The following MEF2D variants were observed in gnomAD, a reference collection of about 807,000 sequenced individuals.
MEF2D encodes myocyte-specific enhancer factor 2D.
A neutral mutation model predicts 59.3 loss-of-function variants in MEF2D; 10 were observed. That is an observed-to-expected ratio of 0.17 (90% confidence interval 0.10 to 0.29). The LOEUF (loss-of-function observed/expected upper bound fraction) is 0.29. Among genes scored for constraint, MEF2D ranks in the 10% least tolerant of loss-of-function variants. The pLI is 1.00. For missense variants in MEF2D, 508 were observed against 699.4 expected, an observed-to-expected ratio of 0.73 and a Z score of 3.09; for synonymous variants, 305 against 295.0, an observed-to-expected ratio of 1.03 and a Z score of -0.35.
chr1:156,478,927 G>A (rs1033275235), intron 6 of MEF2D, among the ~76,000 whole-genome samples: 2 of 152,166 alleles, frequency 1.3e-5, no homozygotes, highest in East Asian at 1.9e-4. Flanking sequence ...GAGTGCCTGC[G>A]TGAGTGTCTA....
At chr1:156,471,757 T>C (rs1454313727) in intron 9 of MEF2D, among the ~76,000 whole-genome samples, 1 of 152,252 alleles carries the variant, frequency 6.6e-6, no homozygotes, top group East Asian at 1.9e-4. Flanking sequence ...AGCCAAGGAC[T>C]GTAAACAGTG....
intron 1 of MEF2D, 58 bp from the exon 2 acceptor site, chr1:156,483,488 C>A (rs1672157642): frequency 1.2e-5 from 7 of 593,742 alleles, no homozygotes. Context: ...GCCCTGCTCC[C>A]TGGGCACACA....
At chr1:156,479,256 C>G (rs746704921) in intron 6 of MEF2D, 34 bp downstream of exon 6, 1 of 1,581,024 alleles carries the variant, frequency 6.3e-7, no homozygotes, top group Non-Finnish European at 8.6e-7. Context: ...GGGCACCCCT[C>G]CCCACCTCCA....
intron 2 of MEF2D, 132 bp downstream of exon 2, chr1:156,483,107 C>T: frequency 3.1e-6 from 3 of 962,280 alleles, no homozygotes; most frequent in Non-Finnish European, 4.9e-6. Flanking sequence ...TTCTCCCAAT[C>T]TCCCTTCCCC....
Position 156,480,941 on chromosome 1 carries a change from C to G in MEF2D, c.289G>C (p.Asp97His). 6.2e-7 allele frequency: 1 copy of G among 1,612,078 alleles called. No homozygotes were observed. Among genetic ancestry groups the G allele is most frequent in the Non-Finnish European group, 8.5e-7 (1 of 1,179,928 alleles). The change falls in exon 4 of 12, where the codon GAC (aspartate) becomes CAC (histidine). Residue 97 changes from aspartate (D) to histidine (H), a missense_variant. This residue lies in a region of MEF2D where 481 missense variants were observed against 584.7 expected (regional missense o/e 0.82). Transcript: ENST00000348159. ...TCCTCCCCGTCGGGCTCGGGGCTGTCGCAGCCGTTGAAGCCCTTCTTCCTC... is the reference window on the plus strand; with the variant it reads ...TCCTCCCCGTCGGGCTCGGGGCTGTGGCAGCCGTTGAAGCCCTTCTTCCTC... ...TLRKKGFNGC[D>H]SPEPDGEDSL...
chr1:156,476,995 C>T lies in MEF2D; in HGVS notation c.855+17G>A. On this transcript the variant is annotated intron_variant, in intron 7 of 11. Coordinates refer to ENST00000348159, the MANE Select transcript of MEF2D (RefSeq NM_005920.4). ...TCCATTCCCCAGCCCCCACCCTTGGCCCAGACACCCACTTACCAAGTGATG... is the reference window on the plus strand; with the variant it reads ...TCCATTCCCCAGCCCCCACCCTTGGTCCAGACACCCACTTACCAAGTGATG... The T allele has an allele frequency of 6.2e-7, 1 of 1,613,414 alleles. No homozygotes were observed. Among genetic ancestry groups the T allele is most frequent in the Non-Finnish European group, 8.5e-7 (1 of 1,179,788 alleles).
At chr1:156,483,177 A>G in intron 2 of MEF2D, 62 bp downstream of exon 2, 2 of 1,527,936 alleles carry the variant, frequency 1.3e-6, no homozygotes, top group South Asian at 1.1e-5. Context: ...GCCTGAAGGG[A>G]GTAGAGGCAG....
At chr1:156,495,240 C>T (rs1433580654) in intron 1 of MEF2D, among the ~76,000 whole-genome samples, 1 of 152,126 alleles carries the variant, frequency 6.6e-6, no homozygotes, top group Non-Finnish European at 1.5e-5. Context: ...CTCAGGTCTC[C>T]GTGGGCCTCC....
chr1:156,496,548 TCTAAC>T (rs1281211414), intron 1 of MEF2D, among the ~76,000 whole-genome samples: 1 of 152,078 alleles, frequency 6.6e-6, no homozygotes, highest in African/African-American at 2.4e-5. Context: ...CCATCTGTGG[TCTAAC>T]CTTAATCCCT....
rs769462153 is a variant in MEF2D at position 156,479,758 on chromosome 1, C to T, written c.435G>A (p.Thr145=). 14 of 1,551,542 alleles carry T rather than the reference C, an allele frequency of 9.0e-6. No homozygotes were observed. Among genetic ancestry groups the T allele is most frequent in the South Asian group, 4.8e-5 (4 of 84,064 alleles). Reference sequence around the variant, plus strand: ...GTGAGCTCTGATTGGACACGGGCACCGTGACAGGCATGGCAAAGTTGGGGG... The same window carrying T: ...GTGAGCTCTGATTGGACACGGGCACTGTGACAGGCATGGCAAAGTTGGGGG... ...VPAPNFAMPV[T]VPVSNQSSLQ... is the part of the protein sequence containing the mutation. Residue 145 remains threonine (T), a synonymous_variant, in exon 5 of 12, where the codon ACG becomes ACA. Coordinates refer to ENST00000348159, the MANE Select transcript of MEF2D (RefSeq NM_005920.4).
intron 1 of MEF2D, among the ~76,000 whole-genome samples, chr1:156,488,784 G>C (rs896066088): frequency 1.3e-5 from 2 of 152,202 alleles, no homozygotes; most frequent in Non-Finnish European, 2.9e-5. Context: ...GGGGAGAGCG[G>C]TGAAGGGGAG....
chr1:156,466,999 G>GT lies in MEF2D; in HGVS notation c.*645_*646insA. The GT allele has an allele frequency of 6.6e-6, 1 of 152,632 alleles. No homozygotes were observed. Among genetic ancestry groups the GT allele is most frequent in the African/African-American group, 2.4e-5 (1 of 41,436 alleles). The allele number at this position is 152,632 out of a possible 1,614,324, so 9.5% of individuals were successfully genotyped here. A position where few individuals can be genotyped will look rare whatever the true frequency, so the allele number is the denominator to read the frequency against. On this transcript the variant is annotated 3_prime_UTR_variant, in exon 12 of 12. Coordinates refer to ENST00000348159, the MANE Select transcript of MEF2D (RefSeq NM_005920.4). Reference sequence around the variant, plus strand: ...CTCAGCCAGCACCCACACACCTTGGGGGTGCAGCACACACAAGAATCAGCG... The same window carrying GT: ...CTCAGCCAGCACCCACACACCTTGGGTGGTGCAGCACACACAAGAATCAGCG...
At position 156,479,671 on chromosome 1, in the gene MEF2D, C is replaced by A. The variant is rs754462966; in HGVS notation, c.522G>T (p.Thr174=). 2 of 1,551,844 alleles carry A rather than the reference C, an allele frequency of 1.3e-6. No homozygotes were observed. The highest frequency in any genetic ancestry group is 1.7e-6 in the Non-Finnish European group (2 of 1,147,104). The change falls in exon 5 of 12, where the codon ACG becomes ACT. Residue 174 remains threonine (T), a synonymous_variant. Transcript: ENST00000348159. Reference sequence around the variant, plus strand: ...GCTGGGGGGACAGGAGCCGCGGGTCCGTGAGGGATGATGTCACCAGGGAAG... The same window carrying A: ...GCTGGGGGGACAGGAGCCGCGGGTCAGTGAGGGATGATGTCACCAGGGAAG... The part of the protein sequence containing the change: ...VTPSLVTSSL[T]DPRLLSPQQP...
chr1:156,469,003 C>G lies in MEF2D; in HGVS notation c.1024G>C (p.Ala342Pro). ...AAGGCTGGTAAGGAGGAGAGCTCTG[C>G]ACTGGTCAACTGGTAATCTGCATGG... ...AYNTDYQLTS[A>P]ELSSLPAFSS... Residue 342 changes from alanine to proline, a missense_variant, in exon 10 of 12, where the codon GCA becomes CCA. This residue lies in a region of MEF2D where 481 missense variants were observed against 584.7 expected (regional missense o/e 0.82). Transcript: ENST00000348159. 1 of 1,601,156 alleles carries G rather than the reference C, an allele frequency of 6.2e-7. No homozygotes were observed. Among genetic ancestry groups the G allele is most frequent in the Non-Finnish European group, 8.6e-7 (1 of 1,169,374 alleles).
intron 1 of MEF2D, among the ~76,000 whole-genome samples, chr1:156,498,550 C>A (rs907950193): frequency 1.3e-5 from 2 of 152,040 alleles, no homozygotes; most frequent in African/African-American, 4.8e-5. Context: ...AAAACTCAAC[C>A]TTTTGGGTCC....
At chr1:156,498,975 C>T (rs1015945132) in intron 1 of MEF2D, among the ~76,000 whole-genome samples, 1 of 152,176 alleles carries the variant, frequency 6.6e-6, no homozygotes, top group South Asian at 2.1e-4. Flanking sequence ...CGGGTGTGAC[C>T]CCGTGGCCAC....
chr1:156,480,803 G>C (rs746836052), intron 4 of MEF2D, 31 bp downstream of exon 4: 1 of 1,591,078 alleles, frequency 6.3e-7, no homozygotes, highest in African/African-American at 1.3e-5. Flanking sequence ...CGGAAGGGGG[G>C]GCCAACAGAG....
chr1:156,479,865 G>A (rs774020601), intron 4 of MEF2D, 69 bp from the exon 5 acceptor site: 565 of 1,449,226 alleles, frequency 3.9e-4, no homozygotes, highest in Non-Finnish European at 5.2e-4. Flanking sequence ...CTTTTCCTGG[G>A]AGGGCAGGCA....
chr1:156,476,645 C>A, intron 7 of MEF2D, 131 bp from the exon 8 acceptor site: 1 of 1,098,014 alleles, frequency 9.1e-7, no homozygotes, highest in South Asian at 1.4e-5. Context: ...CCTACAAAGG[C>A]AGAGCTCTCC....
Sources: allele counts gnomAD v4.1 joint callset (sites outside exome capture counted in the v4.1 genomes callset), GRCh38; gene constraint gnomAD v4.1.1; regional missense constraint gnomAD v4.1.1; transcripts MANE v1.5; gene names NCBI Gene and HGNC (gene_info 2026-07-23, HGNC 2026-07-21).